MYRIP: variants seen among roughly 807,000 people sequenced by gnomAD.
MYRIP encodes the protein myosin VIIA and Rab interacting protein, also known as rab effector MyRIP.
In MYRIP, 49 loss-of-function variants were observed where a neutral mutation model predicts 98.0. That is an observed-to-expected ratio of 0.50 (90% confidence interval 0.40 to 0.63). The LOEUF is 0.63. Ranked by LOEUF, MYRIP falls within the 30% of genes least tolerant of loss-of-function variation. The pLI is 0.00. For synonymous variants in MYRIP, 404 were observed against 409.5 expected (o/e 0.99, Z 0.16); for missense variants, 1,004 against 1,058.2 (o/e 0.95, Z 0.71).
At chr3:40,148,371 A>AT (rs1323322466) in intron 3 of MYRIP, among the ~76,000 whole-genome samples, 7 of 151,800 alleles carry the variant, frequency 4.6e-5, no homozygotes, top group African/African-American at 1.5e-4. Context: ...TATGTCTTTG[A>AT]TTTTTTCCCC....
chr3:40,227,200 GA>G (rs1952514453), intron 11 of MYRIP, among the ~76,000 whole-genome samples: 1 of 152,214 alleles, frequency 6.6e-6, no homozygotes, highest in Non-Finnish European at 1.5e-5. Flanking sequence ...GATGCTTCCA[GA>G]AGGAATTAAA....
At chr3:39,922,577 T>C (rs933637185) in intron 2 of MYRIP, among the ~76,000 whole-genome samples, 4 of 152,090 alleles carry the variant, frequency 2.6e-5, no homozygotes, top group Non-Finnish European at 5.9e-5. Context: ...ACCTCCACTG[T>C]AGAGTAAGCA....
intron 1 of MYRIP, chr3:39,810,546 G>A (rs1421991197): frequency 6.6e-6 from 1 of 152,296 alleles, no homozygotes; most frequent in Non-Finnish European, 1.5e-5. Context: ...GACTTGAAGA[G>A]GTAGGGAGCC....
chr3:40,138,158 T>G (rs1310146904), intron 3 of MYRIP, among the ~76,000 whole-genome samples: 1 of 152,238 alleles, frequency 6.6e-6, no homozygotes, highest in Non-Finnish European at 1.5e-5. Context: ...TTGCCCGCAT[T>G]GCGGCACATA....
chr3:40,135,829 A>C (rs1346557646), intron 3 of MYRIP, among the ~76,000 whole-genome samples: 1 of 152,232 alleles, frequency 6.6e-6, no homozygotes, highest in Admixed American at 6.5e-5. Flanking sequence ...AGACAAGCAA[A>C]TGCTGAGAGA....
chr3:40,219,032 G>A (rs1173160537), intron 11 of MYRIP, among the ~76,000 whole-genome samples: 1 of 152,082 alleles, frequency 6.6e-6, no homozygotes, highest in South Asian at 2.1e-4. Context: ...AATTTAATAT[G>A]ACATGACAAT....
intron 1 of MYRIP, among the ~76,000 whole-genome samples, chr3:39,861,088 T>C (rs972800058): frequency 1.3e-5 from 2 of 152,216 alleles, no homozygotes; most frequent in Non-Finnish European, 2.9e-5. Context: ...GCACCACCCA[T>C]AAGGGTGTTG....
Position 39,858,121 on chromosome 3 carries a change from A to C in MYRIP, c.-30-42666A>C, listed in dbSNP as rs376645699. 6.1e-4 allele frequency among the ~76,000 whole-genome samples: 93 copies of C among 152,300 alleles called. 4 individuals are homozygous for C. In the Middle Eastern group the frequency reaches 0.017, roughly 28 times the overall value. ...TGAGTGAATGGGTTTTTAAAAGACA[A>C]GGTCTAGTGATTTGCTGCCTTCAGG... On this transcript the variant is annotated intron_variant, in intron 1 of 16. Transcript: ENST00000302541.
chr3:40,084,638 T>TATATCGATAATACACATCTATGTATTAC (rs1948572529), intron 3 of MYRIP, among the ~76,000 whole-genome samples: 4 of 84,012 alleles, frequency 4.8e-5, no homozygotes, highest in Non-Finnish European at 1.1e-4. Context: ...CTATGTATTA[T>TATATCGATAATACACATCTATGTATTAC]ATATCGATAA....
intron 10 of MYRIP, among the ~76,000 whole-genome samples, chr3:40,196,779 C>T (rs1189035289): frequency 6.6e-6 from 1 of 152,202 alleles, no homozygotes; most frequent in African/African-American, 2.4e-5. Flanking sequence ...CTTCATTTCT[C>T]TAATTTCCCA....
intron 2 of MYRIP, among the ~76,000 whole-genome samples, chr3:39,946,199 G>A (rs1944897620): frequency 6.6e-6 from 1 of 151,928 alleles, no homozygotes; most frequent in African/African-American, 2.4e-5. Flanking sequence ...AAAATAAAAA[G>A]CCCTCAAATT....
intron 11 of MYRIP, among the ~76,000 whole-genome samples, chr3:40,230,301 T>C (rs1952614116): frequency 6.6e-6 from 1 of 152,214 alleles, no homozygotes; most frequent in South Asian, 2.1e-4. Context: ...CTGTAAGCAA[T>C]AGAAATAGGT....
At chr3:39,990,642 A>T (rs545614197) in intron 2 of MYRIP, among the ~76,000 whole-genome samples, 48 of 152,310 alleles carry the variant, frequency 3.2e-4, no homozygotes, top group African/African-American at 1.1e-3. Context: ...CTGAAATCCT[A>T]TTGAAAGCTT....
At chr3:39,819,397 G>T (rs769579025) in intron 1 of MYRIP, among the ~76,000 whole-genome samples, 3 of 152,044 alleles carry the variant, frequency 2.0e-5, no homozygotes, top group Non-Finnish European at 4.4e-5. Flanking sequence ...AGTTTAAATG[G>T]TCAGCTATTT....
intron 9 of MYRIP, among the ~76,000 whole-genome samples, chr3:40,185,460 AG>A (rs1160247971): frequency 6.6e-6 from 1 of 152,152 alleles, no homozygotes; most frequent in African/African-American, 2.4e-5. Context: ...TTGGAGAAAG[AG>A]GAAGAGGGAG....
chr3:40,074,541 G>A (rs910059485), intron 3 of MYRIP, among the ~76,000 whole-genome samples: 2 of 151,896 alleles, frequency 1.3e-5, no homozygotes, highest in Non-Finnish European at 1.5e-5. Flanking sequence ...AAAGAAGAAC[G>A]AAAAGTGAAC....
intron 1 of MYRIP, among the ~76,000 whole-genome samples, chr3:39,869,369 G>A (rs1201545995): frequency 6.6e-6 from 1 of 151,892 alleles, no homozygotes; most frequent in East Asian, 1.9e-4. Context: ...TTTAAAATTA[G>A]TTGTTGCACT....
At chr3:39,957,028 C>G (rs1247485659) in intron 2 of MYRIP, among the ~76,000 whole-genome samples, 6 of 151,778 alleles carry the variant, frequency 4.0e-5, no homozygotes, top group African/African-American at 1.5e-4. Context: ...GTAATTCAGG[C>G]AATAATTAAT....
At chr3:39,931,406 T>A in intron 2 of MYRIP, among the ~76,000 whole-genome samples, 1 of 152,040 alleles carries the variant, frequency 6.6e-6, no homozygotes, top group East Asian at 1.9e-4. Flanking sequence ...AATTTATTTA[T>A]TAGTTCTGAC....
Sources: allele counts gnomAD v4.1 joint callset (sites outside exome capture counted in the v4.1 genomes callset), GRCh38; gene constraint gnomAD v4.1.1; transcripts MANE v1.5; gene names NCBI Gene and HGNC (gene_info 2026-07-23, HGNC 2026-07-21).